TNFSF11: variants seen among roughly 807,000 people sequenced by gnomAD.
TNFSF11 encodes the protein tumor necrosis factor ligand superfamily member 11.
Under a neutral mutation model 32.2 loss-of-function variants are expected in TNFSF11, and 12 were observed. That is an observed-to-expected ratio of 0.37 (90% CI 0.24 to 0.60). TNFSF11 has a LOEUF of 0.60. Among genes scored for constraint, TNFSF11 ranks in the 20% least tolerant of loss-of-function variants. TNFSF11 has a pLI of 0.66. For missense variants in TNFSF11, 345 were observed against 398.0 expected (o/e 0.87, Z 1.13); for synonymous variants, 172 against 152.1 (o/e 1.13, Z -0.96).
At chr13:42,574,978 C>T (rs1873236395) in intron 1 of TNFSF11, among the ~76,000 whole-genome samples, 1 of 152,228 alleles carries the variant, frequency 6.6e-6, no homozygotes, top group African/African-American at 2.4e-5. Context: ...CGGCGGGTTT[C>T]GGTTCCTGCG....
intron 2 of TNFSF11, chr13:42,566,817 A>T (rs1466434249): frequency 6.6e-6 from 1 of 151,582 alleles, no homozygotes; most frequent in Non-Finnish European, 1.5e-5. Context: ...ACATAGGAAA[A>T]CTCCATCTCT....
At chr13:42,594,627 G>A (rs552083743) in intron 2 of TNFSF11, among the ~76,000 whole-genome samples, 1 of 152,268 alleles carries the variant, frequency 6.6e-6, no homozygotes, top group East Asian at 1.9e-4. Flanking sequence ...TTCTTACACA[G>A]TACCATCTCT....
intron 2 of TNFSF11, among the ~76,000 whole-genome samples, chr13:42,590,044 C>T (rs1350733049): frequency 1.3e-5 from 2 of 152,254 alleles, no homozygotes; most frequent in African/African-American, 4.8e-5. Context: ...CTTGTAACAG[C>T]AGTAACCACA....
chr13:42,606,306 C>A (rs543015218), intron 4 of TNFSF11, among the ~76,000 whole-genome samples, 191 bp from the exon 5 acceptor site: 1 of 152,360 alleles, frequency 6.6e-6, no homozygotes, highest in African/African-American at 2.4e-5. Context: ...GTAGCCTCTA[C>A]TGTGCCTAAC....
intron 2 of TNFSF11, among the ~76,000 whole-genome samples, chr13:42,584,611 C>T (rs932761990): frequency 1.3e-5 from 2 of 152,134 alleles, no homozygotes; most frequent in African/African-American, 4.8e-5. Context: ...TTTTAGGATC[C>T]TTTTGGAGAC....
At chr13:42,579,704 C>CTT (rs59375842) in intron 1 of TNFSF11, among the ~76,000 whole-genome samples, 6 of 65,496 alleles carry the variant, frequency 9.2e-5, no homozygotes, top group African/African-American at 3.0e-4. Flanking sequence ...TAAGTAAGCC[C>CTT]TTTTTTTTTT....
intron 4 of TNFSF11, 50 bp downstream of exon 4, chr13:42,601,031 C>A (rs1400409149): frequency 6.3e-7 from 1 of 1,598,936 alleles, no homozygotes; most frequent in African/African-American, 1.3e-5. Context: ...AGTCATTTAT[C>A]AGCCCATTTC....
chr13:42,567,535 C>G (rs1872910702), intron 2 of TNFSF11, among the ~76,000 whole-genome samples: 1 of 152,138 alleles, frequency 6.6e-6, no homozygotes, highest in Non-Finnish European at 1.5e-5. Context: ...GAGAGCTAAA[C>G]CAAACCAACC....
chr13:42,606,620 A>G lies in TNFSF11; in HGVS notation c.656A>G (p.Asn219Ser). Residue 219 changes from asparagine (N) to serine (S), a missense_variant, in exon 5 of 5, where the codon AAC becomes AGC. Transcript: ENST00000398795. ...NQDGFYYLYA[N>S]ICFRHHETSG... ...GATGGCTTTTATTACCTGTATGCCA[A>G]CATTTGCTTTCGACATCATGAAACT... 1 of 1,614,246 alleles carries G rather than the reference A, an allele frequency of 6.2e-7. No homozygotes were observed. The highest frequency in any genetic ancestry group is 8.5e-7 in the Non-Finnish European group (1 of 1,180,040).
chr13:42,596,006 A>G (rs944133438), intron 2 of TNFSF11, among the ~76,000 whole-genome samples: 1 of 152,186 alleles, frequency 6.6e-6, no homozygotes, highest in Admixed American at 6.5e-5. Flanking sequence ...AATAAATGGA[A>G]TTGTCAATTG....
At chr13:42,582,014 C>G (rs1873639434) in intron 2 of TNFSF11, among the ~76,000 whole-genome samples, 2 of 152,180 alleles carry the variant, frequency 1.3e-5, no homozygotes, top group African/African-American at 4.8e-5. Flanking sequence ...CCACCAAAAC[C>G]CGGGTAGAAC....
chr13:42,607,246 G>A lies in TNFSF11; in HGVS notation c.*328G>A, dbSNP rs1366466983. The A allele has an allele frequency of 1.2e-5, 3 of 252,610 alleles. No homozygotes were observed. The highest frequency in any genetic ancestry group is 5.1e-5 in the Admixed American group (1 of 19,768). The allele number at this position is 252,610 out of a possible 1,614,324, so 15.6% of individuals were successfully genotyped here. A position where few individuals can be genotyped will look rare whatever the true frequency, so the allele number is the denominator to read the frequency against. On this transcript the variant is annotated 3_prime_UTR_variant, in exon 5 of 5. Transcript: ENST00000398795. ...TTGGTCCCTGGTCATGTGCCCCTTC[G>A]CAGCTGAAGTGGAGAGGGTGTCATC...
chr13:42,565,717 ACTTTAT>A (rs139548273), intron 1 of TNFSF11, among the ~76,000 whole-genome samples: 1,996 of 152,292 alleles, frequency 0.013, 42 homozygotes, highest in African/African-American at 0.045. Flanking sequence ...AAGAGCCTGG[ACTTTAT>A]CTTAAGTGTT....
At chr13:42,581,723 C>T (rs1003807054) in intron 2 of TNFSF11, among the ~76,000 whole-genome samples, 1 of 152,100 alleles carries the variant, frequency 6.6e-6, no homozygotes, top group African/African-American at 2.4e-5. Flanking sequence ...ATCTGTTGAT[C>T]CAGGGCTCTG....
At chr13:42,589,192 A>G (rs1874042405) in intron 2 of TNFSF11, among the ~76,000 whole-genome samples, 1 of 152,170 alleles carries the variant, frequency 6.6e-6, no homozygotes, top group Non-Finnish European at 1.5e-5. Context: ...GTGAATGACA[A>G]TACCATTATC....
chr13:42,581,706 A>G (rs1227061355), intron 2 of TNFSF11, among the ~76,000 whole-genome samples: 6 of 152,098 alleles, frequency 3.9e-5, no homozygotes, highest in Non-Finnish European at 8.8e-5. Context: ...AGGGCCCCTT[A>G]TTCCACATCT....
In TNFSF11 at chr13:42,607,658, A is replaced by C. The variant is rs1335191360; in HGVS notation, c.*740A>C. ...GTTAATAGATTTTTTCAGACTTGTCAAGCCTGTGCAAAAAAATTAAAATGG... is the reference window on the plus strand; with the variant it reads ...GTTAATAGATTTTTTCAGACTTGTCCAGCCTGTGCAAAAAAATTAAAATGG... On this transcript the variant is annotated 3_prime_UTR_variant, in exon 5 of 5. Transcript: ENST00000398795. 6.5e-6 allele frequency: 1 copy of C among 152,770 alleles called. No homozygotes were observed. The highest frequency in any genetic ancestry group is 1.5e-5 in the Non-Finnish European group (1 of 68,034). The allele number at this position is 152,770 out of a possible 1,614,324, so 9.5% of individuals were successfully genotyped here. A position where few individuals can be genotyped will look rare whatever the true frequency, so the allele number is the denominator to read the frequency against.
At chr13:42,589,721 G>C (rs1874075255) in intron 2 of TNFSF11, among the ~76,000 whole-genome samples, 1 of 152,206 alleles carries the variant, frequency 6.6e-6, no homozygotes, top group Non-Finnish European at 1.5e-5. Flanking sequence ...CCTCTCTGCA[G>C]TAATCAGCAA....
intron 2 of TNFSF11, among the ~76,000 whole-genome samples, chr13:42,595,869 C>T (rs1868778345): frequency 1.3e-5 from 2 of 152,088 alleles, no homozygotes; most frequent in South Asian, 2.1e-4. Context: ...TCAAAGAAAC[C>T]GGCAGTGCCG....
Sources: allele counts gnomAD v4.1 joint callset (sites outside exome capture counted in the v4.1 genomes callset), GRCh38; gene constraint gnomAD v4.1.1; transcripts MANE v1.5; gene names NCBI Gene and HGNC (gene_info 2026-07-23, HGNC 2026-07-21).